MSRA: variants seen among roughly 807,000 people sequenced by gnomAD.
The protein encoded by MSRA is mitochondrial peptide methionine sulfoxide reductase.
Under a neutral mutation model 31.3 loss-of-function variants are expected in MSRA, and 54 were observed. The observed-to-expected ratio is 1.73, with a 90% CI of 1.39 to 2.17. The LOEUF (loss-of-function observed/expected upper bound fraction) is 2.17, where lower values mean the gene tolerates loss of function less well. MSRA is among the 30% of genes most tolerant of loss of function. The pLI is 0.00. For synonymous variants in MSRA, 169 were observed against 116.5 expected, an observed-to-expected ratio of 1.45 and a Z score of -2.90; for missense variants, 507 against 300.9, an observed-to-expected ratio of 1.69 and a Z score of -5.07.
At chr8:10,171,419 TTTTCTTGTA>T (rs1805578229) in intron 1 of MSRA, among the ~76,000 whole-genome samples, 1 of 151,930 alleles carries the variant, frequency 6.6e-6, no homozygotes, top group African/African-American at 2.4e-5. Context: ...GCTCTCTACA[TTTTCTTGTA>T]TTTGTAGCAG....
Position 10,245,169 on chromosome 8 carries a change from G to GTTGGT in MSRA, c.280_284dup (p.Phe95LeufsTer36). Reference sequence around the variant, plus strand: ...CTTGAAAGGAGTGTATTCAACTCAAGTTGGTTTTGCAGGAGGCTATACTTC... The same window carrying GTTGGT: ...CTTGAAAGGAGTGTATTCAACTCAAGTTGGTTTGGTTTTGCAGGAGGCTATACTTC... On this transcript the variant is annotated frameshift_variant, in exon 3 of 6. Coordinates refer to ENST00000317173, the MANE Select transcript of MSRA (RefSeq NM_012331.5). LOFTEE classifies it high-confidence loss of function. The GTTGGT allele has an allele frequency of 6.2e-7, 1 of 1,613,844 alleles. No homozygotes were observed. The highest frequency in any genetic ancestry group is 1.3e-5 in the African/African-American group (1 of 75,014).
intron 3 of MSRA, among the ~76,000 whole-genome samples, chr8:10,291,430 C>T (rs1800230797): frequency 6.6e-6 from 1 of 151,624 alleles, no homozygotes; most frequent in Non-Finnish European, 1.5e-5. Context: ...AAAAAAAAAG[C>T]CAAGATAAAA....
intron 1 of MSRA, among the ~76,000 whole-genome samples, chr8:10,154,902 T>G (rs1043950555): frequency 6.6e-6 from 1 of 151,314 alleles, no homozygotes; most frequent in Non-Finnish European, 1.5e-5. Flanking sequence ...TTCTTTAATA[T>G]TGATTTACAG....
At chr8:10,078,625 C>T (rs1048218233) in intron 1 of MSRA, among the ~76,000 whole-genome samples, 2 of 152,238 alleles carry the variant, frequency 1.3e-5, no homozygotes, top group African/African-American at 2.4e-5. Flanking sequence ...GTGCTGCACC[C>T]TGCAGAAGAT....
intron 5 of MSRA, among the ~76,000 whole-genome samples, chr8:10,373,024 G>A (rs1805564162): frequency 6.6e-6 from 1 of 152,158 alleles, no homozygotes; most frequent in African/African-American, 2.4e-5. Context: ...CAAGTAGCTG[G>A]GATTACAGGC....
At chr8:10,059,585 G>C (rs776188872) in intron 1 of MSRA, among the ~76,000 whole-genome samples, 3 of 152,156 alleles carry the variant, frequency 2.0e-5, no homozygotes, top group Admixed American at 6.5e-5. Context: ...ACCATGACTT[G>C]AAAATCGGAA....
At chr8:10,406,799 C>A (rs1389873817) in intron 5 of MSRA, among the ~76,000 whole-genome samples, 1 of 152,232 alleles carries the variant, frequency 6.6e-6, no homozygotes, top group Non-Finnish European at 1.5e-5. Flanking sequence ...TTTCTAGGCC[C>A]TAGGAACCAA....
At chr8:10,147,620 C>T (rs1803259428) in intron 1 of MSRA, among the ~76,000 whole-genome samples, 1 of 152,216 alleles carries the variant, frequency 6.6e-6, no homozygotes, top group African/African-American at 2.4e-5. Flanking sequence ...GGCCATGGGG[C>T]TGTCCTGGGG....
chr8:10,073,102 G>A (rs1192726199), intron 1 of MSRA, among the ~76,000 whole-genome samples: 3 of 151,984 alleles, frequency 2.0e-5, no homozygotes, highest in East Asian at 1.9e-4. Context: ...AGAACTTCCA[G>A]TATTATGTTA....
chr8:10,075,957 C>T (rs953575197), intron 1 of MSRA, among the ~76,000 whole-genome samples: 6 of 152,186 alleles, frequency 3.9e-5, no homozygotes, highest in East Asian at 1.9e-4. Context: ...CATGACCATA[C>T]GTCGATGTCT....
intron 1 of MSRA, among the ~76,000 whole-genome samples, chr8:10,194,761 G>A (rs893034212): frequency 6.6e-6 from 1 of 152,166 alleles, no homozygotes; most frequent in Non-Finnish European, 1.5e-5. Context: ...GTTTAAGCAT[G>A]AGGCTGATCA....
chr8:10,387,767 T>C (rs1420479114), intron 5 of MSRA, among the ~76,000 whole-genome samples: 1 of 152,248 alleles, frequency 6.6e-6, no homozygotes, highest in Non-Finnish European at 1.5e-5. Flanking sequence ...TCATCTTTCC[T>C]AGTTATTCAG....
At chr8:10,222,299 C>T (rs995225762) in intron 2 of MSRA, among the ~76,000 whole-genome samples, 1 of 152,092 alleles carries the variant, frequency 6.6e-6, no homozygotes, top group Non-Finnish European at 1.5e-5. Context: ...GGTTTTCTAT[C>T]CCTCTGTTTT....
Position 10,245,242 on chromosome 8 carries a change from A to T in MSRA, c.331+19A>T. 1 of 1,611,476 alleles carries T rather than the reference A, an allele frequency of 6.2e-7. No homozygotes were observed. The highest frequency in any genetic ancestry group is 1.1e-5 in the South Asian group (1 of 90,484). ...TGCTCAGGTAGGAAGAATTTGCTTT[A>T]TTGTATTACTAGGAGAAACAAGGGA... On this transcript the variant is annotated intron_variant, in intron 3 of 5. Transcript: ENST00000317173.
intron 5 of MSRA, among the ~76,000 whole-genome samples, chr8:10,345,216 G>A (rs1585537549): frequency 1.3e-5 from 2 of 152,208 alleles, no homozygotes; most frequent in Admixed American, 1.3e-4. Flanking sequence ...ATGTGAGGAT[G>A]GGGACTGCCC....
chr8:10,383,521 C>G (rs1221857309), intron 5 of MSRA, among the ~76,000 whole-genome samples: 5 of 151,974 alleles, frequency 3.3e-5, no homozygotes, highest in African/African-American at 7.3e-5. Context: ...AATTGTAGCT[C>G]CTTAATTTAG....
At chr8:10,148,925 GA>G (rs1803404647) in intron 1 of MSRA, among the ~76,000 whole-genome samples, 1 of 151,166 alleles carries the variant, frequency 6.6e-6, no homozygotes, top group Non-Finnish European at 1.5e-5. Flanking sequence ...GTGAGGGGTG[GA>G]GGATCTGGCG....
chr8:10,145,287 G>C (rs1454676207), intron 1 of MSRA, among the ~76,000 whole-genome samples: 1 of 152,142 alleles, frequency 6.6e-6, no homozygotes, highest in African/African-American at 2.4e-5. Context: ...TTCATACGAA[G>C]AATAGCTTTG....
At chr8:10,207,626 A>G (rs1030299070) in intron 1 of MSRA, among the ~76,000 whole-genome samples, 1 of 152,200 alleles carries the variant, frequency 6.6e-6, no homozygotes, top group Non-Finnish European at 1.5e-5. Flanking sequence ...CTACTCATTT[A>G]TAAAATGACA....
Sources: gnomAD v4.1 joint callset for allele counts (sites outside exome capture counted in the v4.1 genomes callset) on GRCh38, gnomAD v4.1.1 for gene constraint, MANE v1.5 for transcripts, NCBI Gene and HGNC (gene_info 2026-07-23, HGNC 2026-07-21) for gene names.